Variants in FAM120A observed in about 807,000 individuals in gnomAD.
FAM120A encodes the protein constitutive coactivator of PPAR-gamma-like protein 1.
In FAM120A, 15 loss-of-function variants were observed where a neutral mutation model predicts 109.7. That is an observed-to-expected ratio of 0.14 (90% CI 0.09 to 0.21). The LOEUF (loss-of-function observed/expected upper bound fraction) is 0.21, where lower values mean the gene tolerates loss of function less well. FAM120A is among the 10% of genes least tolerant of loss of function. The pLI, the probability that FAM120A is intolerant of heterozygous loss-of-function variation, is 1.00. For synonymous variants in FAM120A, 493 were observed against 572.8 expected (o/e 0.86, Z 1.99); for missense variants, 899 against 1,439.3 (o/e 0.62, Z 6.07).
In FAM120A at chr9:93,530,289, T is replaced by C. The variant is rs1409268588; in HGVS notation, c.1734+709T>C. On this transcript the variant is annotated intron_variant, in intron 9 of 17. Coordinates refer to ENST00000277165, the MANE Select transcript of FAM120A (RefSeq NM_014612.5). ...ATTTGTAGTCTTTATGTTGGCACTTTTAATCTTAGCCCCACAATTTAACAA... is the reference window on the plus strand; with the variant it reads ...ATTTGTAGTCTTTATGTTGGCACTTCTAATCTTAGCCCCACAATTTAACAA... 3 of 152,410 alleles carry C rather than the reference T, an allele frequency of 2.0e-5. No homozygotes were observed. The East Asian group carries it at 5.8e-4, about 29-fold the overall frequency. The allele number at this position is 152,410 out of a possible 1,614,324, so 9.4% of individuals were successfully genotyped here. A position where few individuals can be genotyped will look rare whatever the true frequency, so the allele number is the denominator to read the frequency against.
chr9:93,541,077 T>TG (rs11449201), intron 10 of FAM120A, among the ~76,000 whole-genome samples: 135,921 of 150,140 alleles, frequency 0.91, 61,578 homozygotes, highest in East Asian at 1. Context: ...ATGTGTGTGG[T>TG]GGGGGGTGTG....
chr9:93,477,681 C>T (rs1309786925), intron 3 of FAM120A, among the ~76,000 whole-genome samples: 1 of 152,142 alleles, frequency 6.6e-6, no homozygotes, highest in Non-Finnish European at 1.5e-5. Context: ...TTGTTTCCTA[C>T]AAGATTTATT....
At chr9:93,455,199 A>G (rs1207413529) in intron 1 of FAM120A, among the ~76,000 whole-genome samples, 1 of 152,258 alleles carries the variant, frequency 6.6e-6, no homozygotes, top group Non-Finnish European at 1.5e-5. Context: ...ACTTAGCAAT[A>G]ATAAGGAAGG....
chr9:93,557,530 A>C (rs1354590384), intron 13 of FAM120A, among the ~76,000 whole-genome samples: 1 of 152,224 alleles, frequency 6.6e-6, no homozygotes, highest in Non-Finnish European at 1.5e-5. Context: ...TTTCAGTATG[A>C]GCTGAAACAA....
At position 93,558,026 on chromosome 9, in the gene FAM120A, C is replaced by T. The variant is rs147612141; in HGVS notation, c.2668+16C>T. The T allele has an allele frequency of 4.3e-5, 67 of 1,570,956 alleles. No homozygotes were observed. The East Asian group carries it at 5.6e-4, about 13-fold the overall frequency. On this transcript the variant is annotated intron_variant, in intron 14 of 17. Coordinates refer to ENST00000277165, the MANE Select transcript of FAM120A (RefSeq NM_014612.5). ...GGCTTTGCAGGTGAGTTGATTGGGA[C>T]GTATTCCTGTGGGTAACAGATGCCA...
At chr9:93,486,149 T>A (rs1388707751) in intron 3 of FAM120A, among the ~76,000 whole-genome samples, 1 of 151,930 alleles carries the variant, frequency 6.6e-6, no homozygotes, top group Admixed American at 6.6e-5. Context: ...ATGTTTTATT[T>A]TTTTTTTTAG....
chr9:93,516,680 C>G (rs1388872691), intron 7 of FAM120A, among the ~76,000 whole-genome samples: 2 of 152,084 alleles, frequency 1.3e-5, no homozygotes, highest in Admixed American at 6.5e-5. Context: ...ATTTCCTCTC[C>G]TTCTCCTAAA....
chr9:93,557,768 T>G, intron 13 of FAM120A, 59 bp from the exon 14 acceptor site: 1 of 1,517,430 alleles, frequency 6.6e-7, no homozygotes, highest in Non-Finnish European at 9.0e-7. Context: ...AGTGCTCATT[T>G]AAATTCAATT....
At chr9:93,484,492 G>A (rs1858949293) in intron 3 of FAM120A, among the ~76,000 whole-genome samples, 1 of 152,172 alleles carries the variant, frequency 6.6e-6, no homozygotes, top group African/African-American at 2.4e-5. Flanking sequence ...GGTAGTGCTG[G>A]CACTTACGGT....
At chr9:93,472,806 G>A (rs1180826460) in intron 2 of FAM120A, among the ~76,000 whole-genome samples, 2 of 152,094 alleles carry the variant, frequency 1.3e-5, no homozygotes, top group Non-Finnish European at 2.9e-5. Context: ...CAAAACGATT[G>A]CGCTATTGAT....
Position 93,451,933 on chromosome 9 carries a change from C to G in FAM120A, c.18C>G (p.Phe6Leu). MGVQG[F>L]QDYIEKHCPS... ...CCGCCGCCATGGGCGTGCAGGGCTTCCAGGACTACATCGAGAAGCACTGCC... is the reference window on the plus strand; with the variant it reads ...CCGCCGCCATGGGCGTGCAGGGCTTGCAGGACTACATCGAGAAGCACTGCC... Residue 6 changes from phenylalanine (F) to leucine (L), a missense_variant, in exon 1 of 18, where the codon TTC becomes TTG. Transcript: ENST00000277165. 3 of 1,510,298 alleles carry G rather than the reference C, an allele frequency of 2.0e-6. No homozygotes were observed. The highest frequency in any genetic ancestry group is 2.6e-6 in the Non-Finnish European group (3 of 1,135,542). 93.6% of individuals were successfully genotyped at this position (1,510,298 alleles called of 1,614,324 possible). A position where few individuals can be genotyped will look rare whatever the true frequency, so the allele number is the denominator to read the frequency against.
chr9:93,512,354 T>C (rs1470856101), intron 5 of FAM120A, among the ~76,000 whole-genome samples: 1 of 152,136 alleles, frequency 6.6e-6, no homozygotes, highest in African/African-American at 2.4e-5. Context: ...TTTGAGGAAG[T>C]AGGTGACTGA....
chr9:93,452,670 C>A lies in FAM120A; in HGVS notation c.474+281C>A. ...AGAGCCCCGGACCAGAATTCGGAGGCGACAGTGTCATCATCCCCAATATCC... is the reference window on the plus strand; with the variant it reads ...AGAGCCCCGGACCAGAATTCGGAGGAGACAGTGTCATCATCCCCAATATCC... On this transcript the variant is annotated intron_variant, in intron 1 of 17. Coordinates refer to ENST00000277165, the MANE Select transcript of FAM120A (RefSeq NM_014612.5). This position sits in a 1 kb window ranked among gnomAD's most constrained non-coding sequence, Gnocchi z 7.0. 1 of 1,598,846 alleles carries A rather than the reference C, an allele frequency of 6.3e-7. No individual in the cohort carries two copies. Among genetic ancestry groups the A allele is most frequent in the Non-Finnish European group, 8.5e-7 (1 of 1,179,906 alleles).
At chr9:93,536,565 T>C (rs1861525611) in intron 10 of FAM120A, among the ~76,000 whole-genome samples, 1 of 152,246 alleles carries the variant, frequency 6.6e-6, no homozygotes. Context: ...CTTAAAAATA[T>C]TTAACTCTCA....
At chr9:93,518,536 A>G (rs1324869569) in intron 7 of FAM120A, among the ~76,000 whole-genome samples, 1 of 152,242 alleles carries the variant, frequency 6.6e-6, no homozygotes, top group African/African-American at 2.4e-5. Context: ...TTAGCAAGAA[A>G]TACTTGGGCA....
chr9:93,494,576 C>T lies in FAM120A; in HGVS notation c.805-2895C>T, dbSNP rs559816703. Among the ~76,000 whole-genome samples the T allele has an allele frequency of 7.2e-5, 11 of 152,294 alleles. No individual in the cohort carries two copies. The South Asian group carries it at 1.2e-3, about 17-fold the overall frequency. On this transcript the variant is annotated intron_variant, in intron 3 of 17. Coordinates refer to ENST00000277165, the MANE Select transcript of FAM120A (RefSeq NM_014612.5). Reference sequence around the variant, plus strand: ...CCTTCTTATCTGCAGGCATTGCTTCCATCTCACAATTTCTTGGTCGGGCAG... The same window carrying T: ...CCTTCTTATCTGCAGGCATTGCTTCTATCTCACAATTTCTTGGTCGGGCAG...
chr9:93,487,616 A>T (rs1450195986), intron 3 of FAM120A, among the ~76,000 whole-genome samples: 1 of 152,264 alleles, frequency 6.6e-6, no homozygotes, highest in Non-Finnish European at 1.5e-5. Context: ...GATCACATTT[A>T]TGTAAAACTC....
chr9:93,502,033 G>C (rs1038164408), intron 5 of FAM120A, among the ~76,000 whole-genome samples: 8 of 152,154 alleles, frequency 5.3e-5, no homozygotes, highest in African/African-American at 1.7e-4. Context: ...ATTTTCCACA[G>C]AAATATTTTT....
chr9:93,541,562 G>T, intron 10 of FAM120A, among the ~76,000 whole-genome samples: 1 of 152,206 alleles, frequency 6.6e-6, no homozygotes, highest in South Asian at 2.1e-4. Flanking sequence ...ATACATGTAT[G>T]TCTGTTTTGA....
Sources: allele counts gnomAD v4.1 joint callset (sites outside exome capture counted in the v4.1 genomes callset), GRCh38; gene constraint gnomAD v4.1.1; non-coding constraint Gnocchi (gnomAD v3.1); transcripts MANE v1.5; gene names NCBI Gene and HGNC (gene_info 2026-07-23, HGNC 2026-07-21).